SLA: variants seen among roughly 807,000 people sequenced by gnomAD.
SLA encodes src-like-adapter.
SLA carries 16 observed loss-of-function variants against 30.3 expected under a neutral mutation model. The ratio of observed to expected loss-of-function variants is 0.53; its 90% CI spans 0.36 to 0.80. SLA has a LOEUF of 0.80. SLA is among the 30% of genes least tolerant of loss of function. The probability of loss-of-function intolerance (pLI) is 0.01; values close to 1 mark genes in which losing one functional copy is unlikely to be tolerated. For synonymous variants in SLA, 143 were observed against 137.8 expected (o/e 1.04, Z -0.26); for missense variants, 310 against 345.2 (o/e 0.90, Z 0.81).
chr8:133,063,351 C>T (rs759789771), intron 2 of SLA, among the ~76,000 whole-genome samples: 7 of 151,894 alleles, frequency 4.6e-5, no homozygotes, highest in Non-Finnish European at 8.8e-5. Context: ...TCTGATCTCT[C>T]CCCTCCTTTA....
chr8:133,038,778 A>G, intron 8 of SLA, 41 bp from the exon 9 acceptor site: 4 of 1,351,382 alleles, frequency 3.0e-6, no homozygotes, highest in Non-Finnish European at 3.2e-6. Context: ...AGGGAAAAAA[A>G]GAGAGTCATA....
At chr8:133,041,924 A>G (rs1262759454) in intron 7 of SLA, among the ~76,000 whole-genome samples, 1 of 151,116 alleles carries the variant, frequency 6.6e-6, no homozygotes, top group Admixed American at 6.6e-5. Context: ...AGTAGCTGGG[A>G]TTACAGTTGC....
In SLA at chr8:133,055,363, GCGCACA is replaced by G. The variant is rs1389657472; in HGVS notation, c.62-4454_62-4449del. 4.9e-3 allele frequency among the ~76,000 whole-genome samples: 156 copies of G among 32,010 alleles called. 1 individual carries two copies. The highest frequency in any genetic ancestry group is 0.015 in the East Asian group (32 of 2,132). The allele number at this position is 32,010 out of a possible 152,430, so 21.0% of individuals were successfully genotyped here. The stretch of plus-strand genomic sequence containing the variant: ...ATCTTCAGGACACACACACGCACGC[GCGCACA>G]CACACACACACACACACACACACAC... On this transcript the variant is annotated intron_variant, in intron 3 of 8. Coordinates refer to ENST00000338087, the MANE Select transcript of SLA (RefSeq NM_001045556.3).
chr8:133,058,956 G>T (rs1158292306), intron 3 of SLA: 1 of 480,636 alleles, frequency 2.1e-6, no homozygotes, highest in Non-Finnish European at 4.2e-6. Context: ...TGCTGGCTTG[G>T]GGGCATTGGA....
rs527584969 is a variant in SLA at position 133,058,088 on chromosome 8, T to C, written c.61+2012A>G. On this transcript the variant is annotated intron_variant, in intron 3 of 8. Transcript: ENST00000338087. ...AGCAGCCATAGGAGCTTGAGCTGAG[T>C]AGCAGCTCATTCCATAAAAACTCTG... Among the ~76,000 whole-genome samples, 220 of 152,268 alleles carry C rather than the reference T, an allele frequency of 1.4e-3. 1 individual carries two copies. Among genetic ancestry groups the C allele is most frequent in the African/African-American group, 5.0e-3 (206 of 41,550 alleles).
At chr8:133,083,054 G>A (rs576870750) in intron 1 of SLA, among the ~76,000 whole-genome samples, 79 of 152,270 alleles carry the variant, frequency 5.2e-4, no homozygotes, top group African/African-American at 1.7e-3. Flanking sequence ...GAGTAGGCAG[G>A]CCTAGTTGCT....
At chr8:133,099,348 C>A (rs1202516775) in intron 1 of SLA, among the ~76,000 whole-genome samples, 1 of 152,202 alleles carries the variant, frequency 6.6e-6, no homozygotes, top group East Asian at 1.9e-4. Flanking sequence ...CTTTTGTGAG[C>A]CTGCATCCTG....
At chr8:133,060,001 G>T in intron 3 of SLA, 99 bp downstream of exon 3, 1 of 1,218,470 alleles carries the variant, frequency 8.2e-7, no homozygotes, top group Non-Finnish European at 1.1e-6. Flanking sequence ...GGTACCCATT[G>T]CCCCATTTAA....
intron 1 of SLA, chr8:133,095,309 C>T (rs558486492): frequency 3.3e-6 from 5 of 1,526,818 alleles, no homozygotes; most frequent in Non-Finnish European, 4.5e-6. Flanking sequence ...AGCCATACCA[C>T]ACATGAGGCT....
intron 6 of SLA, 60 bp downstream of exon 6, chr8:133,047,770 C>A (rs777802840): frequency 6.3e-6 from 6 of 947,808 alleles, no homozygotes; most frequent in Non-Finnish European, 8.7e-6. Context: ...AATGAGTCAG[C>A]CAGGAGCAAA....
intron 3 of SLA, among the ~76,000 whole-genome samples, chr8:133,056,990 CA>C (rs1193759013): frequency 6.6e-6 from 1 of 152,168 alleles, no homozygotes; most frequent in Non-Finnish European, 1.5e-5. Context: ...AGTTACTTCC[CA>C]GGGGATTCTG....
Position 133,050,770 on chromosome 8 carries a change from T to C in SLA, c.161+46A>G, listed in dbSNP as rs773081289. 6.4e-6 allele frequency: 8 copies of C among 1,251,164 alleles called. No individual in the cohort carries two copies. The Admixed American group carries it at 1.3e-4, about 21-fold the overall frequency. 77.5% of individuals were successfully genotyped at this position (1,251,164 alleles called of 1,614,324 possible). A position where few individuals can be genotyped will look rare whatever the true frequency, so the allele number is the denominator to read the frequency against. On this transcript the variant is annotated intron_variant, in intron 4 of 8. Coordinates refer to ENST00000338087, the MANE Select transcript of SLA (RefSeq NM_001045556.3). Reference sequence around the variant, plus strand: ...TCAAATACTTTTCTCCCAAACCAAGTTTATCCTGCTTTGAAGATTGCACAA... The same window carrying C: ...TCAAATACTTTTCTCCCAAACCAAGCTTATCCTGCTTTGAAGATTGCACAA...
At position 133,039,841 on chromosome 8, in the gene SLA, G is replaced by A. The variant is rs112839616; in HGVS notation, c.617+157C>T. 3.2e-3 allele frequency among the ~76,000 whole-genome samples: 492 copies of A among 152,258 alleles called. 1 individual carries two copies. Among genetic ancestry groups the A allele is most frequent in the African/African-American group, 0.011 (468 of 41,546 alleles). On this transcript the variant is annotated intron_variant, in intron 8 of 8. Transcript: ENST00000338087. Reference sequence around the variant, plus strand: ...CCAGGGATTCCCTTGGTCTACACTTGTGGGGGGTGCTCACCCCCCAGTTTC... The same window carrying A: ...CCAGGGATTCCCTTGGTCTACACTTATGGGGGGTGCTCACCCCCCAGTTTC...
chr8:133,076,700 T>A (rs1844920004), intron 1 of SLA: 1 of 150,426 alleles, frequency 6.6e-6, no homozygotes, highest in Admixed American at 6.6e-5. Context: ...TTATTCCCTG[T>A]CATTTCTTTA....
At chr8:133,059,228 C>A in intron 3 of SLA, 1 of 440,118 alleles carries the variant, frequency 2.3e-6, no homozygotes. Flanking sequence ...CCAAATGCTA[C>A]CATGTAAGGT....
At chr8:133,084,685 C>A (rs953348573) in intron 1 of SLA, among the ~76,000 whole-genome samples, 7 of 152,230 alleles carry the variant, frequency 4.6e-5, no homozygotes, top group Admixed American at 1.3e-4. Context: ...ACTAAAGAGA[C>A]AAAGCCAAGG....
chr8:133,039,582 CAAA>C (rs1230860579), intron 8 of SLA, among the ~76,000 whole-genome samples: 1 of 152,042 alleles, frequency 6.6e-6, no homozygotes, highest in African/African-American at 2.4e-5. Context: ...TTAGAAAAAA[CAAA>C]GAAGTCACTG....
Position 133,095,134 on chromosome 8 carries a change from ATG to A in SLA, c.-319+7417_-319+7418del, listed in dbSNP as rs771718064. 1.3e-5 allele frequency: 21 copies of A among 1,614,236 alleles called. No homozygotes were observed. In the South Asian group the frequency reaches 2.3e-4, roughly 18 times the overall value. ...TTTGGCAAAGGAGGTCAGTTGCCCC[ATG>A]TCATCCAGCCAAGAAGTGGTGTCCT... On this transcript the variant is annotated intron_variant, in intron 1 of 8. Transcript: ENST00000338087.
rs767389590 is a variant in SLA, at chr8:133,049,896, A to G, written c.248+6T>C. On this transcript the variant is annotated splice_donor_region_variant and intron_variant, in intron 5 of 8. Transcript: ENST00000338087. The stretch of plus-strand genomic sequence containing the variant: ...TTAATTGCTGCCATTTGAGAAATGT[A>G]CTCACCCATGGTAAACTCTGGCCAC... The G allele has an allele frequency of 4.4e-6, 7 of 1,576,372 alleles. No homozygotes were observed. In the East Asian group the frequency reaches 1.6e-4, roughly 35 times the overall value.
Sources: gnomAD v4.1 joint callset for allele counts (sites outside exome capture counted in the v4.1 genomes callset) on GRCh38, gnomAD v4.1.1 for gene constraint, MANE v1.5 for transcripts, NCBI Gene and HGNC (gene_info 2026-07-23, HGNC 2026-07-21) for gene names.